ZNF280D: variants seen among roughly 807,000 people sequenced by gnomAD.
ZNF280D encodes zinc finger protein 280D.
A neutral mutation model predicts 94.7 loss-of-function variants in ZNF280D; 39 were observed. That is an observed-to-expected ratio of 0.41 (90% CI 0.32 to 0.54). The LOEUF is 0.54. ZNF280D is among the 20% of genes least tolerant of loss of function. ZNF280D has a pLI of 0.22. For missense variants in ZNF280D, 1,090 were observed against 1,149.3 expected, an observed-to-expected ratio of 0.95 and a Z score of 0.75; for synonymous variants, 398 against 377.6, an observed-to-expected ratio of 1.05 and a Z score of -0.63.
At chr15:56,731,689 G>T (rs780940554) in intron 1 of ZNF280D, among the ~76,000 whole-genome samples, 1 of 152,094 alleles carries the variant, frequency 6.6e-6, no homozygotes, top group African/African-American at 2.4e-5. Flanking sequence ...CACACATACA[G>T]CATTTAGGGC....
chr15:56,694,884 G>A (rs1311853692), intron 6 of ZNF280D, among the ~76,000 whole-genome samples: 1 of 152,104 alleles, frequency 6.6e-6, no homozygotes, highest in Non-Finnish European at 1.5e-5. Flanking sequence ...TAAAATAAAG[G>A]GAAACTGGGT....
intron 14 of ZNF280D, among the ~76,000 whole-genome samples, chr15:56,667,718 G>A (rs2054392618): frequency 6.6e-6 from 1 of 152,058 alleles, no homozygotes; most frequent in Non-Finnish European, 1.5e-5. Context: ...CATGTGCTTG[G>A]GTAACATACA....
In ZNF280D at chr15:56,689,351, G is replaced by A; in HGVS notation, c.619C>T (p.Pro207Ser). The change falls in exon 8 of 22, where the codon CCT becomes TCT. Residue 207 changes from proline (P) to serine (S), a missense_variant. This residue lies in a region of ZNF280D where 386 missense variants were observed against 372.0 expected (regional missense o/e 1.04). Transcript: ENST00000267807. Reference sequence around the variant, plus strand: ...GTCACTGAAGGAGATTTAACTGAAGGTAATACAGCTGAGGAATTTGCTCCA... The same window carrying A: ...GTCACTGAAGGAGATTTAACTGAAGATAATACAGCTGAGGAATTTGCTCCA... ...VSGANSSAVL[P>S]SVKSPSVTSS... is the part of the protein sequence containing the mutation. 1 of 1,610,082 alleles carries A rather than the reference G, an allele frequency of 6.2e-7. No homozygotes were observed. The highest frequency in any genetic ancestry group is 8.5e-7 in the Non-Finnish European group (1 of 1,178,226).
At chr15:56,732,296 G>A (rs1256978265) in intron 1 of ZNF280D, among the ~76,000 whole-genome samples, 1 of 152,128 alleles carries the variant, frequency 6.6e-6, no homozygotes, top group African/African-American at 2.4e-5. Context: ...TACAAATCAG[G>A]GGTTATCAAT....
chr15:56,719,362 A>AC (rs2058217758), intron 1 of ZNF280D, among the ~76,000 whole-genome samples: 1 of 151,178 alleles, frequency 6.6e-6, no homozygotes, highest in South Asian at 2.1e-4. Context: ...AAAACCAAAA[A>AC]AAAAGCCTGG....
intron 21 of ZNF280D, among the ~76,000 whole-genome samples, chr15:56,633,818 G>A (rs1310941788): frequency 6.6e-6 from 1 of 152,044 alleles, no homozygotes; most frequent in Non-Finnish European, 1.5e-5. Context: ...CAGCAAGAAA[G>A]GAATGATTAA....
intron 17 of ZNF280D, among the ~76,000 whole-genome samples, chr15:56,658,023 A>G (rs754717439): frequency 6.6e-6 from 1 of 152,220 alleles, no homozygotes; most frequent in Non-Finnish European, 1.5e-5. Flanking sequence ...AATTTTTAAC[A>G]ATGAAATATT....
intron 19 of ZNF280D, among the ~76,000 whole-genome samples, chr15:56,647,443 G>A (rs1422183330): frequency 6.6e-6 from 1 of 152,152 alleles, no homozygotes; most frequent in Non-Finnish European, 1.5e-5. Context: ...GATTTGTGGT[G>A]CTTACAGAAC....
At chr15:56,677,849 T>C (rs1244863981) in intron 11 of ZNF280D, among the ~76,000 whole-genome samples, 175 bp from the exon 12 acceptor site, 3 of 152,146 alleles carry the variant, frequency 2.0e-5, no homozygotes, top group Middle Eastern at 3.2e-3. Flanking sequence ...CTCACCTACA[T>C]TAACTCAACT....
intron 16 of ZNF280D, among the ~76,000 whole-genome samples, chr15:56,666,041 C>A (rs2054265921): frequency 6.6e-6 from 1 of 152,010 alleles, no homozygotes; most frequent in South Asian, 2.1e-4. Flanking sequence ...GAGGCGAAGG[C>A]AGGGGAATTG....
At chr15:56,653,470 AG>A in intron 19 of ZNF280D, 1 of 1,501,920 alleles carries the variant, frequency 6.7e-7, no homozygotes, top group Non-Finnish European at 8.8e-7. Context: ...ACAACCTAAG[AG>A]CAGGTCCCAC....
At chr15:56,673,541 T>G (rs184795444) in intron 13 of ZNF280D, among the ~76,000 whole-genome samples, 1 of 152,156 alleles carries the variant, frequency 6.6e-6, no homozygotes, top group East Asian at 1.9e-4. Flanking sequence ...CCTAATATCC[T>G]TTCTTCTCTA....
At chr15:56,679,640 G>C (rs1030648016) in intron 10 of ZNF280D, among the ~76,000 whole-genome samples, 4 of 152,142 alleles carry the variant, frequency 2.6e-5, no homozygotes, top group African/African-American at 9.7e-5. Context: ...TGCTGAATTT[G>C]AGAGTAAAGT....
chr15:56,668,453 G>A (rs1350085342), intron 14 of ZNF280D, among the ~76,000 whole-genome samples: 3 of 152,004 alleles, frequency 2.0e-5, no homozygotes, highest in African/African-American at 7.2e-5. Flanking sequence ...ACCAGATGCT[G>A]GGGACACAAA....
chr15:56,653,464 C>A (rs2053330716), intron 19 of ZNF280D: 5 of 1,496,486 alleles, frequency 3.3e-6, no homozygotes, highest in Non-Finnish European at 3.5e-6. Context: ...GAGGCCACAA[C>A]CTAAGAGCAG....
intron 11 of ZNF280D, among the ~76,000 whole-genome samples, chr15:56,678,262 C>A (rs1303956683): frequency 6.6e-6 from 1 of 152,108 alleles, no homozygotes; most frequent in African/African-American, 2.4e-5. Flanking sequence ...CCCACATTGG[C>A]CTCCCAAAGT....
rs1478896380 is a variant in ZNF280D, at chr15:56,701,050, A to G, written c.264T>C (p.Pro88=). Residue 88 remains proline, a synonymous_variant, in exon 6 of 22, where the codon CCT becomes CCC. Transcript: ENST00000267807. ...LSRGITAAFK[P]TSQHYTNPTS... is the part of the protein sequence containing the mutation. ...TTGGATTCGTGTAGTGTTGACTTGT[A>G]GGCTTGAATGCAGCAGTAATACCTG... 4 of 1,613,854 alleles carry G rather than the reference A, an allele frequency of 2.5e-6. No individual in the cohort carries two copies. Among genetic ancestry groups the G allele is most frequent in the Admixed American group, 3.3e-5 (2 of 60,004 alleles).
intron 9 of ZNF280D, among the ~76,000 whole-genome samples, chr15:56,687,097 A>AAAAT (rs1330387550): frequency 7.2e-5 from 11 of 152,116 alleles, no homozygotes; most frequent in African/African-American, 2.7e-4. Flanking sequence ...TATAAACTAG[A>AAAAT]AAATAAAAAG....
intron 9 of ZNF280D, 55 bp downstream of exon 9, chr15:56,688,986 A>T: frequency 9.2e-7 from 1 of 1,089,246 alleles, no homozygotes; most frequent in Non-Finnish European, 1.4e-6. Flanking sequence ...TGTAATCATC[A>T]GTATTTTTAG....
Sources: gnomAD v4.1 joint callset for allele counts (sites outside exome capture counted in the v4.1 genomes callset) on GRCh38, gnomAD v4.1.1 for gene constraint, gnomAD v4.1.1 regional missense constraint, MANE v1.5 for transcripts, NCBI Gene and HGNC (gene_info 2026-07-23, HGNC 2026-07-21) for gene names.